Variants in TRPM6 observed in about 807,000 individuals in gnomAD.
TRPM6 encodes channel kinase 2.
TRPM6 carries 111 observed loss-of-function variants against 247.6 expected under a neutral mutation model. That is an observed-to-expected ratio of 0.45 (90% CI 0.38 to 0.52). The LOEUF (loss-of-function observed/expected upper bound fraction) is 0.52. Ranked by LOEUF, TRPM6 falls within the 20% of genes least tolerant of loss-of-function variation. The pLI, the probability that TRPM6 is intolerant of heterozygous loss-of-function variation, is 0.00. For missense variants in TRPM6, 2,126 were observed against 2,421.5 expected (o/e 0.88, Z 2.56); for synonymous variants, 892 against 853.8 (o/e 1.04, Z -0.78).
intron 7 of TRPM6, among the ~76,000 whole-genome samples, chr9:74,823,700 A>G (rs536880559): frequency 2.0e-5 from 3 of 152,230 alleles, no homozygotes; most frequent in Non-Finnish European, 4.4e-5. Flanking sequence ...AAAGTAATAG[A>G]AGAAAATTTC....
intron 27 of TRPM6, among the ~76,000 whole-genome samples, chr9:74,761,419 T>A (rs1826625405): frequency 6.6e-6 from 1 of 152,216 alleles, no homozygotes; most frequent in Admixed American, 6.5e-5. Context: ...TAATGACTCT[T>A]AAATTTATAT....
At chr9:74,817,502 T>C (rs1828977608) in intron 9 of TRPM6, among the ~76,000 whole-genome samples, 1 of 152,222 alleles carries the variant, frequency 6.6e-6, no homozygotes, top group African/African-American at 2.4e-5. Context: ...CTTGCTTTTT[T>C]ACGAGAAATG....
At chr9:74,757,563 CA>C (rs1176496033) in intron 27 of TRPM6, among the ~76,000 whole-genome samples, 311 of 54,038 alleles carry the variant, frequency 5.8e-3, no homozygotes, top group African/African-American at 0.012. Flanking sequence ...GAGACCCTGT[CA>C]AAAAAAAAAA....
intron 12 of TRPM6, among the ~76,000 whole-genome samples, chr9:74,811,780 T>C (rs1447096453): frequency 6.6e-6 from 1 of 152,208 alleles, no homozygotes; most frequent in African/African-American, 2.4e-5. Context: ...AGGCAAGGTG[T>C]CAGACCCCTG....
chr9:74,762,121 G>A lies in TRPM6; in HGVS notation c.4550C>T (p.Pro1517Leu). 6.2e-7 allele frequency: 1 copy of A among 1,614,190 alleles called. No individual in the cohort carries two copies. Among genetic ancestry groups the A allele is most frequent in the Non-Finnish European group, 8.5e-7 (1 of 1,180,030 alleles). The change falls in exon 26 of 39, where the codon CCA (proline) becomes CTA (leucine). Residue 1517 changes from proline to leucine, a missense_variant. Transcript: ENST00000360774. ...AQSSECSEVGPWLQPNTSFWI... is the reference protein window; with the variant it reads ...AQSSECSEVGLWLQPNTSFWI... ...AAAGGATGTGTTTGGCTGAAGCCATGGTCCCACCTCTGAGCATTCACTACT... is the reference window on the plus strand; with the variant it reads ...AAAGGATGTGTTTGGCTGAAGCCATAGTCCCACCTCTGAGCATTCACTACT...
At position 74,807,951 on chromosome 9, in the gene TRPM6, G is replaced by A; in HGVS notation, c.1638+83C>T. On this transcript the variant is annotated intron_variant, in intron 14 of 38. Transcript: ENST00000360774. ...AATGACCATTTTAGGAGCTATTTTT[G>A]TCTGAACTTCCAAGGCCATTTTTCC... 6.7e-6 allele frequency: 10 copies of A among 1,502,908 alleles called. 1 individual carries two copies. The South Asian group carries it at 9.0e-5, about 14-fold the overall frequency. 93.1% of individuals were successfully genotyped at this position (1,502,908 alleles called of 1,614,324 possible).
intron 1 of TRPM6, among the ~76,000 whole-genome samples, chr9:74,884,208 T>C (rs1487623310): frequency 6.6e-6 from 1 of 151,620 alleles, no homozygotes; most frequent in Non-Finnish European, 1.5e-5. Flanking sequence ...TACATATGTA[T>C]GGCCAGGCAC....
At chr9:74,731,475 G>A (rs1245587609) in intron 37 of TRPM6, among the ~76,000 whole-genome samples, 2 of 151,858 alleles carry the variant, frequency 1.3e-5, no homozygotes, top group Non-Finnish European at 2.9e-5. Flanking sequence ...GGAATTAGAT[G>A]TGTATGTTCA....
At chr9:74,814,102 A>C (rs891438381) in intron 11 of TRPM6, among the ~76,000 whole-genome samples, 1 of 152,220 alleles carries the variant, frequency 6.6e-6, no homozygotes, top group Non-Finnish European at 1.5e-5. Context: ...ATCTCAAAGA[A>C]AAAGAAAATA....
chr9:74,885,552 G>T (rs1192632475), intron 1 of TRPM6, among the ~76,000 whole-genome samples: 7 of 152,086 alleles, frequency 4.6e-5, no homozygotes, highest in African/African-American at 1.7e-4. Context: ...ATAAAACTAA[G>T]AAGTAAAGAA....
intron 6 of TRPM6, 66 bp downstream of exon 6, chr9:74,833,932 C>G (rs961778827): frequency 6.3e-7 from 1 of 1,598,036 alleles, no homozygotes; most frequent in East Asian, 2.2e-5. Flanking sequence ...CATCCAGGTA[C>G]AGTGTTAAGC....
chr9:74,740,403 A>G (rs1825825068), intron 33 of TRPM6, among the ~76,000 whole-genome samples: 1 of 152,132 alleles, frequency 6.6e-6, no homozygotes, highest in Non-Finnish European at 1.5e-5. Context: ...ATTCTTTTCT[A>G]ATTGTTCTTC....
intron 1 of TRPM6, among the ~76,000 whole-genome samples, chr9:74,865,629 A>T (rs1830823481): frequency 6.6e-6 from 1 of 152,224 alleles, no homozygotes; most frequent in Non-Finnish European, 1.5e-5. Flanking sequence ...CAAATTTGTT[A>T]TCTATGTACA....
At chr9:74,880,515 A>G (rs1831328195) in intron 1 of TRPM6, among the ~76,000 whole-genome samples, 1 of 152,176 alleles carries the variant, frequency 6.6e-6, no homozygotes, top group Non-Finnish European at 1.5e-5. Flanking sequence ...TTTACAAGCC[A>G]GGAGAGAATG....
At chr9:74,742,034 C>T (rs1587459000) in intron 33 of TRPM6, among the ~76,000 whole-genome samples, 1 of 152,186 alleles carries the variant, frequency 6.6e-6, no homozygotes, top group African/African-American at 2.4e-5. Context: ...CATGTCTTAT[C>T]CTGCCAGACA....
At position 74,769,760 on chromosome 9, in the gene TRPM6, A is replaced by AAAGG. The variant is rs566504397; in HGVS notation, c.3536+1939_3536+1942dup. Among the ~76,000 whole-genome samples the AAAGG allele has an allele frequency of 8.8e-3, 1,060 of 120,220 alleles. 8 individuals are homozygous for AAAGG. Among genetic ancestry groups the AAAGG allele is most frequent in the African/African-American group, 0.026 (706 of 26,920 alleles). The allele number at this position is 120,220 out of a possible 152,430, so 78.9% of individuals were successfully genotyped here. A position where few individuals can be genotyped will look rare whatever the true frequency, so the allele number is the denominator to read the frequency against. ...TGACAGAGTGAGACTCCGTTGAAATAAAGGAAGGAAGGAAGGAAGGAAGGA... is the reference window on the plus strand; with the variant it reads ...TGACAGAGTGAGACTCCGTTGAAATAAAGGAAGGAAGGAAGGAAGGAAGGAAGGA... On this transcript the variant is annotated intron_variant, in intron 25 of 38. Coordinates refer to ENST00000360774, the MANE Select transcript of TRPM6 (RefSeq NM_017662.5).
At position 74,812,068 on chromosome 9, in the gene TRPM6, G is replaced by T. The variant is rs117221080; in HGVS notation, c.1443+231C>A. Among the ~76,000 whole-genome samples, 35 of 152,230 alleles carry T rather than the reference G, an allele frequency of 2.3e-4. 1 individual carries two copies. The East Asian group carries it at 6.2e-3, about 27-fold the overall frequency. On this transcript the variant is annotated intron_variant, in intron 12 of 38. Transcript: ENST00000360774. ...ATTTTGGTGCCTTCATGTCAGGAAG[G>T]GTTGCACAATGAGTTTTAACATGTA...
chr9:74,795,888 A>G (rs538448491), intron 18 of TRPM6, among the ~76,000 whole-genome samples: 1 of 152,300 alleles, frequency 6.6e-6, no homozygotes, highest in East Asian at 1.9e-4. Context: ...CTCCAGAATA[A>G]TGGCTTTCCT....
intron 20 of TRPM6, 147 bp downstream of exon 20, chr9:74,788,467 T>C: frequency 1.1e-6 from 1 of 940,072 alleles, no homozygotes; most frequent in Non-Finnish European, 1.7e-6. Flanking sequence ...ATAACCTTTA[T>C]GCAGCATGTA....
Sources: allele counts gnomAD v4.1 joint callset (sites outside exome capture counted in the v4.1 genomes callset), GRCh38; gene constraint gnomAD v4.1.1; transcripts MANE v1.5; gene names NCBI Gene and HGNC (gene_info 2026-07-23, HGNC 2026-07-21).